Variants in LINGO2 observed in about 807,000 individuals in gnomAD.
LINGO2 encodes leucine rich repeat and Ig domain containing 2, also known as leucine-rich repeat and immunoglobulin-like domain-containing nogo receptor-interacting protein 2.
In LINGO2, 14 loss-of-function variants were observed where a neutral mutation model predicts 30.6. That is an observed-to-expected ratio of 0.46 (90% CI 0.30 to 0.72). The LOEUF (loss-of-function observed/expected upper bound fraction) is 0.72, where lower values mean the gene tolerates loss of function less well. Ranked by LOEUF, LINGO2 falls within the 30% of genes least tolerant of loss-of-function variation. The pLI, the probability that LINGO2 is intolerant of heterozygous loss-of-function variation, is 0.07. For synonymous variants in LINGO2, 317 were observed against 288.5 expected (o/e 1.10, Z -1.00); for missense variants, 729 against 751.7 (o/e 0.97, Z 0.35).
intron 1 of LINGO2, among the ~76,000 whole-genome samples, chr9:28,532,145 G>A (rs548866780): frequency 4.1e-4 from 63 of 152,206 alleles, no homozygotes; most frequent in African/African-American, 1.5e-3. Context: ...AAGCCATTAT[G>A]ATTTTTAACA....
intron 1 of LINGO2, among the ~76,000 whole-genome samples, chr9:28,610,451 G>A (rs1825868089): frequency 6.6e-6 from 1 of 152,088 alleles, no homozygotes; most frequent in Non-Finnish European, 1.5e-5. Flanking sequence ...CTAATATTAG[G>A]AGGTGGCAGT....
chr9:28,741,236 T>C, the LINGO2 span, among the ~76,000 whole-genome samples: 2 of 152,072 alleles, frequency 1.3e-5, no homozygotes, highest in East Asian at 3.9e-4. Flanking sequence ...TGGATAGGAC[T>C]GTATCCTATG....
rs186008996 is a variant in LINGO2, at chr9:28,329,709, A to C, written c.-245-34343T>G. On this transcript the variant is annotated intron_variant, in intron 3 of 5. Transcript: ENST00000379992. The surrounding 1 kb of genome is among the most constrained non-coding windows in gnomAD (Gnocchi z 4.5). The stretch of plus-strand genomic sequence containing the variant: ...AACTGCTACCTCCCCCATATTCTTT[A>C]TCTGGCTAATTTTAACTTGCCCTTC... Among the ~76,000 whole-genome samples the C allele has an allele frequency of 1.3e-5, 2 of 152,094 alleles. No homozygotes were observed. Among genetic ancestry groups the C allele is most frequent in the Non-Finnish European group, 2.9e-5 (2 of 67,974 alleles).
intron 3 of LINGO2, among the ~76,000 whole-genome samples, chr9:28,317,102 C>A (rs1239673786): frequency 3.3e-5 from 5 of 152,068 alleles, no homozygotes; most frequent in Non-Finnish European, 7.4e-5. Flanking sequence ...TTAATGTATT[C>A]CAATTATGTT....
chr9:28,773,162 G>A, the LINGO2 span, among the ~76,000 whole-genome samples: 12 of 152,030 alleles, frequency 7.9e-5, no homozygotes, highest in South Asian at 2.1e-4. Context: ...TCAGGAGATC[G>A]AGACTGTCCT....
chr9:28,078,048 A>G (rs1303579065), intron 4 of LINGO2, among the ~76,000 whole-genome samples: 5 of 149,362 alleles, frequency 3.3e-5, no homozygotes, highest in Non-Finnish European at 7.3e-5. Flanking sequence ...TTAAAGCTTA[A>G]CAAATAAACA....
chr9:28,879,960 A>G, the LINGO2 span, among the ~76,000 whole-genome samples: 1 of 152,180 alleles, frequency 6.6e-6, no homozygotes, highest in Non-Finnish European at 1.5e-5. Flanking sequence ...TCTTCCTAAT[A>G]CTTATTTACT....
At chr9:28,172,901 C>G (rs1374663346) in intron 4 of LINGO2, among the ~76,000 whole-genome samples, 1 of 152,152 alleles carries the variant, frequency 6.6e-6, no homozygotes, top group Non-Finnish European at 1.5e-5. Flanking sequence ...CAACTCTTAT[C>G]TTTTCATCAT....
At chr9:28,506,489 C>CATATATATATAT (rs1204718452) in intron 1 of LINGO2, among the ~76,000 whole-genome samples, 2 of 78,990 alleles carry the variant, frequency 2.5e-5, no homozygotes, top group Non-Finnish European at 5.0e-5. Flanking sequence ...CATACACATA[C>CATATATATATAT]ACACACACAC....
At chr9:28,565,495 ATTT>A (rs1369313364) in intron 1 of LINGO2, among the ~76,000 whole-genome samples, 1 of 146,170 alleles carries the variant, frequency 6.8e-6, no homozygotes, top group Non-Finnish European at 1.5e-5. Context: ...AGGAAAAATT[ATTT>A]TTATTTTTTT....
intron 2 of LINGO2, among the ~76,000 whole-genome samples, chr9:28,410,586 A>C (rs926768342): frequency 1.3e-5 from 2 of 152,140 alleles, no homozygotes; most frequent in African/African-American, 4.8e-5. Context: ...TAATGAGAGC[A>C]TGAGACTGCT....
At chr9:28,402,913 T>G (rs188743997) in intron 2 of LINGO2, among the ~76,000 whole-genome samples, 17 of 152,248 alleles carry the variant, frequency 1.1e-4, no homozygotes, top group African/African-American at 3.9e-4. Context: ...AAAGCAGGGT[T>G]TTGGCAAAAT....
intron 2 of LINGO2, among the ~76,000 whole-genome samples, chr9:28,394,621 ATGTCTTT>A (rs1417180180): frequency 6.6e-6 from 1 of 152,168 alleles, no homozygotes; most frequent in Non-Finnish European, 1.5e-5. Flanking sequence ...TCCTCCCTTG[ATGTCTTT>A]TGTTTTCTAA....
upstream of LINGO2, chr9:28,670,363 T>C (rs944032908): frequency 6.6e-6 from 1 of 152,138 alleles, no homozygotes; most frequent in Admixed American, 6.6e-5. Flanking sequence ...ATGAAATTTT[T>C]ATTATCACTC....
At chr9:28,740,643 T>A in the LINGO2 span, among the ~76,000 whole-genome samples, 22 of 152,072 alleles carry the variant, frequency 1.4e-4, no homozygotes, top group Admixed American at 5.9e-4. Context: ...ACTAAATACT[T>A]TAATTATTTA....
chr9:28,801,371 A>T, the LINGO2 span, among the ~76,000 whole-genome samples: 1 of 152,068 alleles, frequency 6.6e-6, no homozygotes, highest in African/African-American at 2.4e-5. Context: ...AATTTAGATG[A>T]AGCCTAACCA....
chr9:28,335,369 T>C (rs1256297695), intron 3 of LINGO2, among the ~76,000 whole-genome samples: 3 of 152,312 alleles, frequency 2.0e-5, no homozygotes, highest in African/African-American at 7.2e-5. Context: ...ATTGTAGCCC[T>C]AGGGCAGTCA....
chr9:29,017,192 C>T, the LINGO2 span, among the ~76,000 whole-genome samples: 1 of 151,726 alleles, frequency 6.6e-6, no homozygotes, highest in Non-Finnish European at 1.5e-5. Flanking sequence ...AAGGAAGACT[C>T]TGAGTTGCCT....
chr9:28,894,426 G>C, the LINGO2 span, among the ~76,000 whole-genome samples: 10 of 151,892 alleles, frequency 6.6e-5, no homozygotes, highest in Non-Finnish European at 1.3e-4. Flanking sequence ...ACATTATATA[G>C]TCATTTTTAA....
Sources: gnomAD v4.1 joint callset for allele counts (sites outside exome capture counted in the v4.1 genomes callset) on GRCh38, gnomAD v4.1.1 for gene constraint, Gnocchi (gnomAD v3.1) non-coding constraint, MANE v1.5 for transcripts, NCBI Gene and HGNC (gene_info 2026-07-23, HGNC 2026-07-21) for gene names.